The following PPP2R5E variants were observed in gnomAD, a reference collection of about 807,000 sequenced individuals.
PPP2R5E encodes serine/threonine-protein phosphatase 2A 56 kDa regulatory subunit epsilon isoform.
A neutral mutation model predicts 65.3 loss-of-function variants in PPP2R5E; 4 were observed. The ratio of observed to expected loss-of-function variants is 0.06; its 90% CI spans 0.03 to 0.14. The LOEUF (loss-of-function observed/expected upper bound fraction) is 0.14. PPP2R5E is among the 10% of genes least tolerant of loss of function. The probability of loss-of-function intolerance (pLI) is 1.00; values close to 1 mark genes in which losing one functional copy is unlikely to be tolerated. For missense variants in PPP2R5E, 274 were observed against 556.1 expected, an observed-to-expected ratio of 0.49 and a Z score of 5.10; for synonymous variants, 183 against 187.4, an observed-to-expected ratio of 0.98 and a Z score of 0.19.
intron 2 of PPP2R5E, among the ~76,000 whole-genome samples, chr14:63,512,347 G>A (rs1288829304): frequency 1.3e-5 from 2 of 152,120 alleles, no homozygotes; most frequent in Non-Finnish European, 1.5e-5. Context: ...GATGATGGGT[G>A]GATGGAAGGA....
intron 2 of PPP2R5E, among the ~76,000 whole-genome samples, chr14:63,505,930 A>C (rs1157580066): frequency 1.3e-5 from 2 of 152,178 alleles, no homozygotes; most frequent in African/African-American, 4.8e-5. Context: ...CTAGGTATCC[A>C]AGAGACAAAA....
chr14:63,446,002 T>C (rs1462512361), intron 3 of PPP2R5E, among the ~76,000 whole-genome samples: 1 of 152,218 alleles, frequency 6.6e-6, no homozygotes, highest in African/African-American at 2.4e-5. Context: ...CACTGCTTGA[T>C]CAACTAAGTT....
intron 5 of PPP2R5E, among the ~76,000 whole-genome samples, chr14:63,404,263 T>G (rs138137415): frequency 1.3e-5 from 2 of 152,224 alleles, no homozygotes; most frequent in Non-Finnish European, 2.9e-5. Flanking sequence ...AGAATTACCC[T>G]GCCCTATTCC....
intron 2 of PPP2R5E, among the ~76,000 whole-genome samples, chr14:63,521,425 T>G (rs1287917495): frequency 2.0e-5 from 3 of 152,104 alleles, no homozygotes; most frequent in Non-Finnish European, 4.4e-5. Context: ...TCCCAGCACT[T>G]TGGGAGGCGG....
At chr14:63,435,817 A>C (rs1188939901) in intron 3 of PPP2R5E, among the ~76,000 whole-genome samples, 1 of 152,180 alleles carries the variant, frequency 6.6e-6, no homozygotes, top group Non-Finnish European at 1.5e-5. Context: ...TAAAATAATT[A>C]TCTCTAGAGT....
At chr14:63,498,564 T>C (rs1891695918) in intron 2 of PPP2R5E, among the ~76,000 whole-genome samples, 1 of 143,528 alleles carries the variant, frequency 7.0e-6, no homozygotes, top group Non-Finnish European at 1.5e-5. Context: ...TTTAAGTAAT[T>C]TTTTTTTTTC....
At chr14:63,451,896 A>G (rs1303080610) in intron 3 of PPP2R5E, 1 of 152,190 alleles carries the variant, frequency 6.6e-6, no homozygotes, top group African/African-American at 2.4e-5. Flanking sequence ...TAAAAAATTA[A>G]ATTTTTAAAA....
chr14:63,470,069 C>A (rs1361652978), intron 2 of PPP2R5E, among the ~76,000 whole-genome samples: 1 of 128,286 alleles, frequency 7.8e-6, no homozygotes, highest in African/African-American at 4.1e-5. Context: ...CTCCTACCTC[C>A]CCACACCCCC....
At chr14:63,388,025 A>G (rs1884775143) in intron 11 of PPP2R5E, among the ~76,000 whole-genome samples, 1 of 152,232 alleles carries the variant, frequency 6.6e-6, no homozygotes, top group Admixed American at 6.5e-5. Context: ...TTAAGTCGCC[A>G]GTCTTGTTAT....
At chr14:63,484,320 C>T (rs894567296) in intron 2 of PPP2R5E, among the ~76,000 whole-genome samples, 2 of 147,742 alleles carry the variant, frequency 1.4e-5, no homozygotes, top group Non-Finnish European at 3.0e-5. Flanking sequence ...TATGATCGAT[C>T]TCTTTCTTTC....
chr14:63,386,940 A>G (rs1884707826), intron 11 of PPP2R5E, among the ~76,000 whole-genome samples: 1 of 151,294 alleles, frequency 6.6e-6, no homozygotes, highest in East Asian at 2.0e-4. Flanking sequence ...AAAAAAAAGA[A>G]GAAAGAAATG....
chr14:63,522,220 G>A (rs1892945812), intron 2 of PPP2R5E, among the ~76,000 whole-genome samples: 1 of 152,198 alleles, frequency 6.6e-6, no homozygotes, highest in African/African-American at 2.4e-5. Flanking sequence ...TGCCGGGATT[G>A]CAGACGGAGT....
At chr14:63,380,371 A>C (rs146950481) in intron 13 of PPP2R5E, among the ~76,000 whole-genome samples, 457 of 152,000 alleles carry the variant, frequency 3.0e-3, no homozygotes, top group African/African-American at 0.01. Flanking sequence ...CTGAATTAAA[A>C]GTTGTTTAGG....
intron 3 of PPP2R5E, among the ~76,000 whole-genome samples, chr14:63,422,611 A>T (rs753275702): frequency 1.1e-4 from 16 of 152,130 alleles, no homozygotes; most frequent in African/African-American, 3.9e-4. Context: ...CTGTAGTCCC[A>T]GCTATGCGGG....
intron 3 of PPP2R5E, among the ~76,000 whole-genome samples, chr14:63,427,035 C>T (rs530241491): frequency 6.6e-6 from 1 of 152,338 alleles, no homozygotes; most frequent in Non-Finnish European, 1.5e-5. Flanking sequence ...AAATTTGCTT[C>T]CATTAAATCT....
At chr14:63,447,969 A>AATTAAGTTT (rs1888581341) in intron 3 of PPP2R5E, among the ~76,000 whole-genome samples, 1 of 152,224 alleles carries the variant, frequency 6.6e-6, no homozygotes, top group East Asian at 1.9e-4. Context: ...AGTTTGCTGT[A>AATTAAGTTT]GGGGCACATT....
intron 2 of PPP2R5E, among the ~76,000 whole-genome samples, chr14:63,468,901 A>T (rs1178100184): frequency 6.6e-6 from 1 of 152,162 alleles, no homozygotes; most frequent in Non-Finnish European, 1.5e-5. Context: ...GTATCTCTAA[A>T]CCTTTCTTTT....
At chr14:63,459,783 G>C (rs1889354418) in intron 2 of PPP2R5E, among the ~76,000 whole-genome samples, 1 of 152,172 alleles carries the variant, frequency 6.6e-6, no homozygotes, top group Non-Finnish European at 1.5e-5. Context: ...TTTAAAGTAA[G>C]CACTCTAAAA....
At chr14:63,454,762 A>G (rs990257461) in intron 2 of PPP2R5E, among the ~76,000 whole-genome samples, 2 of 152,294 alleles carry the variant, frequency 1.3e-5, no homozygotes, top group Admixed American at 1.3e-4. Flanking sequence ...CTTCTTTCCA[A>G]TATTTCATTC....
Sources: allele counts gnomAD v4.1 joint callset (sites outside exome capture counted in the v4.1 genomes callset), GRCh38; gene constraint gnomAD v4.1.1; transcripts MANE v1.5; gene names NCBI Gene and HGNC (gene_info 2026-07-23, HGNC 2026-07-21).